Variants in RSPO4 observed in about 807,000 individuals in gnomAD.
RSPO4 encodes the protein R-spondin-4.
Under a neutral mutation model 24.8 loss-of-function variants are expected in RSPO4, and 23 were observed. The observed-to-expected ratio is 0.93, with a 90% CI of 0.67 to 1.31. RSPO4 has a LOEUF of 1.31. Ranked by LOEUF, RSPO4 falls within the 40% of genes most tolerant of loss-of-function variation. RSPO4 has a pLI of 0.00. For synonymous variants in RSPO4, 141 were observed against 127.4 expected (o/e 1.11, Z -0.72); for missense variants, 333 against 316.5 (o/e 1.05, Z -0.39).
intron 1 of RSPO4, among the ~76,000 whole-genome samples, chr20:982,752 A>G (rs1256185758): frequency 2.0e-5 from 3 of 152,176 alleles, no homozygotes; most frequent in Non-Finnish European, 2.9e-5. Flanking sequence ...AGGCCTGTGT[A>G]TGACGTGCCC....
intron 1 of RSPO4, among the ~76,000 whole-genome samples, chr20:996,489 T>G (rs1401049780): frequency 6.6e-6 from 1 of 152,168 alleles, no homozygotes; most frequent in African/African-American, 2.4e-5. Flanking sequence ...CTCTCAAGGG[T>G]GTGTTGAGGT....
At chr20:996,656 G>T (rs959184696) in intron 1 of RSPO4, among the ~76,000 whole-genome samples, 26 of 152,200 alleles carry the variant, frequency 1.7e-4, no homozygotes, top group African/African-American at 6.0e-4. Context: ...CGGCAGAAAT[G>T]GAGGAACACC....
At position 992,865 on chromosome 20, in the gene RSPO4, G is replaced by A. The variant is rs765055609; in HGVS notation, c.79+9221C>T. Among the ~76,000 whole-genome samples the A allele has an allele frequency of 7.9e-5, 12 of 152,268 alleles. No individual in the cohort carries two copies. In the East Asian group the frequency reaches 1.3e-3, roughly 17 times the overall value. ...TGCCTCATTTTGCAAATTAGCCAACGGGGGCACAGAAGGGAGAGATGACCT... is the reference window on the plus strand; with the variant it reads ...TGCCTCATTTTGCAAATTAGCCAACAGGGGCACAGAAGGGAGAGATGACCT... On this transcript the variant is annotated intron_variant, in intron 1 of 4. Coordinates refer to ENST00000217260, the MANE Select transcript of RSPO4 (RefSeq NM_001029871.4).
At chr20:993,236 C>T (rs1568931418) in intron 1 of RSPO4, among the ~76,000 whole-genome samples, 1 of 152,234 alleles carries the variant, frequency 6.6e-6, no homozygotes, top group Non-Finnish European at 1.5e-5. Flanking sequence ...CTATGGGCCA[C>T]AGAGCAAGGG....
In RSPO4 at chr20:960,425, G is replaced by T; in HGVS notation, c.637C>A (p.Pro213Thr). ...CGGTCCAGCTTCCTGTCCTTGCGTG[G>T]GCGCCGGTCCTTCCTGCCCTTCTTC... ...GQKKGRKDRR[P>T]RKDRKLDRRL... Residue 213 changes from proline to threonine, a missense_variant, in exon 5 of 5, where the codon CCA becomes ACA. By Grantham distance (38) the Pro-to-Thr change is conservative. Coordinates refer to ENST00000217260, the MANE Select transcript of RSPO4 (RefSeq NM_001029871.4). 1 of 1,539,792 alleles carries T rather than the reference G, an allele frequency of 6.5e-7. No homozygotes were observed. The highest frequency in any genetic ancestry group is 8.7e-7 in the Non-Finnish European group (1 of 1,147,454).
At position 995,499 on chromosome 20, in the gene RSPO4, T is replaced by C. The variant is rs188628092; in HGVS notation, c.79+6587A>G. On this transcript the variant is annotated intron_variant, in intron 1 of 4. Transcript: ENST00000217260. The stretch of plus-strand genomic sequence containing the variant: ...CACGCCCTGGCCGAGCAGAGGTGTT[T>C]GATGCAGGAGGAGATTTAGGGCCCC... Among the ~76,000 whole-genome samples, 28 of 152,290 alleles carry C rather than the reference T, an allele frequency of 1.8e-4. No individual in the cohort carries two copies. The East Asian group carries it at 4.6e-3, about 25-fold the overall frequency.
intron 1 of RSPO4, among the ~76,000 whole-genome samples, chr20:998,866 A>G (rs1985376747): frequency 1.3e-5 from 2 of 152,138 alleles, no homozygotes; most frequent in South Asian, 4.1e-4. Flanking sequence ...CCAAAGTTAG[A>G]TAAGGTCAAA....
In RSPO4 at chr20:967,162, G is replaced by T. The variant is rs756622169; in HGVS notation, c.409+12C>A. ...GGAGGGGCAGGGGCAGGGCGGGGAG[G>T]TCCCCACTCACCCTGGCACTCCCGT... On this transcript the variant is annotated intron_variant, in intron 3 of 4. Coordinates refer to ENST00000217260, the MANE Select transcript of RSPO4 (RefSeq NM_001029871.4). 2.5e-6 allele frequency: 4 copies of T among 1,612,258 alleles called. No individual in the cohort carries two copies. The highest frequency in any genetic ancestry group is 1.7e-6 in the Non-Finnish European group (2 of 1,179,426).
chr20:992,066 A>T (rs957270134), intron 1 of RSPO4, among the ~76,000 whole-genome samples: 8 of 152,146 alleles, frequency 5.3e-5, no homozygotes, highest in Non-Finnish European at 7.4e-5. Flanking sequence ...CGCAGGCAGC[A>T]TCTGATTCGG....
intron 1 of RSPO4, among the ~76,000 whole-genome samples, chr20:1,001,420 C>T (rs1985458477): frequency 2.0e-5 from 3 of 152,188 alleles, no homozygotes; most frequent in African/African-American, 7.2e-5. Flanking sequence ...GCGCATGCGG[C>T]CCCTGGTACA....
At chr20:991,841 C>T (rs190378636) in intron 1 of RSPO4, among the ~76,000 whole-genome samples, 8 of 151,906 alleles carry the variant, frequency 5.3e-5, no homozygotes, top group Admixed American at 1.3e-4. Context: ...AGAATTTTTA[C>T]GAGTAAAATA....
At chr20:983,170 A>T (rs1984794584) in intron 1 of RSPO4, among the ~76,000 whole-genome samples, 1 of 152,214 alleles carries the variant, frequency 6.6e-6, no homozygotes, top group Non-Finnish European at 1.5e-5. Context: ...TCCTGCAATC[A>T]ACAGAGCTCA....
chr20:993,378 G>A (rs1239473805), intron 1 of RSPO4, among the ~76,000 whole-genome samples: 1 of 152,230 alleles, frequency 6.6e-6, no homozygotes, highest in African/African-American at 2.4e-5. Flanking sequence ...ATTCCCGAAG[G>A]GATCTGGAAG....
intron 1 of RSPO4, among the ~76,000 whole-genome samples, chr20:1,000,368 C>A (rs1019212334): frequency 1.3e-5 from 2 of 152,184 alleles, no homozygotes; most frequent in South Asian, 2.1e-4. Context: ...AGCATCTCTC[C>A]CCTCCCTCCA....
intron 1 of RSPO4, among the ~76,000 whole-genome samples, chr20:974,594 T>A (rs766308054): frequency 5.4e-4 from 83 of 152,360 alleles, no homozygotes; most frequent in Non-Finnish European, 9.6e-4. Flanking sequence ...ACAGTGGTTG[T>A]AGGTTCAGAC....
chr20:975,600 C>A lies in RSPO4; in HGVS notation c.80-7462G>T, dbSNP rs376652046. 7.4e-4 allele frequency among the ~76,000 whole-genome samples: 112 copies of A among 152,294 alleles called. 1 individual carries two copies. The South Asian group carries it at 0.023, about 31-fold the overall frequency. The stretch of plus-strand genomic sequence containing the variant: ...ATTTTATGGAGAATGAGAGTGGAAT[C>A]AAACACACCAGATTTGACAGTTTGC... On this transcript the variant is annotated intron_variant, in intron 1 of 4. Coordinates refer to ENST00000217260, the MANE Select transcript of RSPO4 (RefSeq NM_001029871.4).
chr20:994,362 C>T (rs1212904428), intron 1 of RSPO4, among the ~76,000 whole-genome samples: 1 of 152,162 alleles, frequency 6.6e-6, no homozygotes, highest in Non-Finnish European at 1.5e-5. Context: ...CAGGACTAGC[C>T]TTGAGGCCAT....
intron 1 of RSPO4, among the ~76,000 whole-genome samples, chr20:989,098 C>T (rs1269465137): frequency 6.6e-6 from 1 of 152,128 alleles, no homozygotes; most frequent in Non-Finnish European, 1.5e-5. Flanking sequence ...TGGTGTGAAA[C>T]CCAAGGCAGT....
chr20:964,838 A>G (rs1259172713), intron 3 of RSPO4, among the ~76,000 whole-genome samples: 1 of 133,612 alleles, frequency 7.5e-6, no homozygotes, highest in East Asian at 1.9e-4. Context: ...ACACATATAT[A>G]TATATATATA....
Sources: gnomAD v4.1 joint callset for allele counts (sites outside exome capture counted in the v4.1 genomes callset) on GRCh38, gnomAD v4.1.1 for gene constraint, MANE v1.5 for transcripts, NCBI Gene and HGNC (gene_info 2026-07-23, HGNC 2026-07-21) for gene names.